WWOX: variants seen among roughly 807,000 people sequenced by gnomAD.
The protein encoded by WWOX is WW domain-containing oxidoreductase.
Under a neutral mutation model 46.2 loss-of-function variants are expected in WWOX, and 69 were observed. The ratio of observed to expected loss-of-function variants is 1.49; its 90% CI spans 1.23 to 1.82. The LOEUF (loss-of-function observed/expected upper bound fraction) is 1.82. Ranked by LOEUF, WWOX falls within the 40% of genes most tolerant of loss-of-function variation. The probability of loss-of-function intolerance (pLI) is 0.00; values close to 1 mark genes in which losing one functional copy is unlikely to be tolerated. For synonymous variants in WWOX, 359 were observed against 202.6 expected (o/e 1.77, Z -6.56); for missense variants, 919 against 542.6 (o/e 1.69, Z -6.89).
intron 8 of WWOX, among the ~76,000 whole-genome samples, chr16:78,477,719 T>C (rs1037638852): frequency 1.3e-5 from 2 of 152,214 alleles, no homozygotes; most frequent in South Asian, 2.1e-4. Flanking sequence ...ATATACTTGA[T>C]GTAAAACCAT....
intron 8 of WWOX, among the ~76,000 whole-genome samples, chr16:78,766,719 C>A (rs962653823): frequency 6.6e-6 from 1 of 152,220 alleles, no homozygotes; most frequent in Admixed American, 6.5e-5. Context: ...AGGCTCAGAG[C>A]AAGGGCAGAT....
At chr16:78,923,002 A>G (rs1241029498) in intron 8 of WWOX, among the ~76,000 whole-genome samples, 1 of 11,892 alleles carries the variant, frequency 8.4e-5, no homozygotes, top group Non-Finnish European at 2.9e-4. Context: ...TTTTTTTGAG[A>G]CAGAGTTTTG....
chr16:78,386,861 A>G lies in WWOX; in HGVS notation c.518A>G (p.His173Arg), dbSNP rs770595933. Residue 173 changes from histidine (H) to arginine (R), a missense_variant and splice_region_variant, in exon 6 of 9, where the codon CAT becomes CGT. His to Arg is a conservative substitution (Grantham distance 29). Coordinates refer to ENST00000566780, the MANE Select transcript of WWOX (RefSeq NM_016373.4). ...TCTTTTTATTTTCTCTCATTGCAGC[A>G]TAAAGCCAAGGTAGAAGCAATGACC... ...EAVSRILEEW[H>R]KAKVEAMTLD... The G allele has an allele frequency of 9.3e-6, 15 of 1,613,880 alleles. No homozygotes were observed. Among genetic ancestry groups the G allele is most frequent in the Admixed American group, 1.7e-5 (1 of 60,010 alleles).
rs151314306 is a variant in WWOX, at chr16:78,679,376, C to G, written c.1056+246624C>G. On this transcript the variant is annotated intron_variant, in intron 8 of 8. Coordinates refer to ENST00000566780, the MANE Select transcript of WWOX (RefSeq NM_016373.4). The stretch of plus-strand genomic sequence containing the variant: ...GACCAGCTTGGCCATCACAGTAAAA[C>G]CCTGTCTCTGCTAAAAATACAAAAA... Among the ~76,000 whole-genome samples the G allele has an allele frequency of 5.8e-4, 88 of 152,162 alleles. 2 individuals carry two copies. The East Asian group carries it at 8.0e-3, about 14-fold the overall frequency.
intron 8 of WWOX, among the ~76,000 whole-genome samples, chr16:79,178,822 GAAT>G (rs1325511088): frequency 6.6e-6 from 1 of 151,978 alleles, no homozygotes; most frequent in African/African-American, 2.4e-5. Flanking sequence ...GCTTTCTTTT[GAAT>G]AATAGAAACA....
At chr16:78,609,267 A>AT (rs2151628010) in intron 8 of WWOX, among the ~76,000 whole-genome samples, 1 of 152,070 alleles carries the variant, frequency 6.6e-6, no homozygotes, top group East Asian at 1.9e-4. Context: ...CTGCCAAGTT[A>AT]TTTTTTTGTT....
At chr16:78,187,336 C>A (rs904060444) in intron 5 of WWOX, among the ~76,000 whole-genome samples, 1 of 152,138 alleles carries the variant, frequency 6.6e-6, no homozygotes, top group Non-Finnish European at 1.5e-5. Flanking sequence ...TGAGGCCAAG[C>A]ACGGTGGCTC....
intron 4 of WWOX, chr16:78,123,412 C>G (rs1197534118): frequency 1.6e-5 from 2 of 125,778 alleles, no homozygotes; most frequent in Middle Eastern, 4.3e-3. Context: ...CTTGGTGACC[C>G]TATGTTTTTT....
In WWOX at chr16:78,144,429, C is replaced by CTATATATATATATACACACACACATATA. The variant is rs2034094474; in HGVS notation, c.410-19740_410-19739insCACACACACATATATATATATATATATA. On this transcript the variant is annotated intron_variant, in intron 4 of 8. Coordinates refer to ENST00000566780, the MANE Select transcript of WWOX (RefSeq NM_016373.4). ...GGTGCAAACGTGGTTTTTGCCATTA[C>CTATATATATATATACACACACACATATA]TATATATATATATATATACACATAT... Among the ~76,000 whole-genome samples the CTATATATATATATACACACACACATATA allele has an allele frequency of 3.9e-4, 6 of 15,400 alleles. 1 individual carries two copies. The Admixed American group carries it at 4.7e-3, about 12-fold the overall frequency. 10.1% of individuals were successfully genotyped at this position (15,400 alleles called of 152,430 possible). A position where few individuals can be genotyped will look rare whatever the true frequency, so the allele number is the denominator to read the frequency against.
intron 8 of WWOX, among the ~76,000 whole-genome samples, chr16:78,986,215 A>G (rs186453873): frequency 2.0e-5 from 3 of 152,262 alleles, no homozygotes; most frequent in Admixed American, 1.3e-4. Context: ...CGCGCTTGCA[A>G]TTTTCCACTG....
chr16:78,164,674 C>G (rs1457630357), intron 5 of WWOX, among the ~76,000 whole-genome samples: 4 of 152,158 alleles, frequency 2.6e-5, no homozygotes, highest in South Asian at 2.1e-4. Flanking sequence ...TTTTCTCTGT[C>G]TATGTAGAAG....
At chr16:78,634,765 C>T (rs956794630) in intron 8 of WWOX, among the ~76,000 whole-genome samples, 8 of 145,434 alleles carry the variant, frequency 5.5e-5, no homozygotes, top group Middle Eastern at 3.6e-3. Context: ...ATCATCTGGA[C>T]GGAATGAAGC....
At chr16:78,353,360 C>A (rs758932159) in intron 5 of WWOX, among the ~76,000 whole-genome samples, 2 of 152,150 alleles carry the variant, frequency 1.3e-5, no homozygotes, top group Non-Finnish European at 2.9e-5. Flanking sequence ...TGAACAGATG[C>A]CACAGCTGGG....
chr16:78,816,437 C>T (rs925418268), intron 8 of WWOX, among the ~76,000 whole-genome samples: 2 of 139,394 alleles, frequency 1.4e-5, no homozygotes, highest in African/African-American at 5.3e-5. Context: ...AAATGGAGGG[C>T]TTTTAAAAGA....
intron 8 of WWOX, among the ~76,000 whole-genome samples, chr16:78,955,436 G>A (rs1165362370): frequency 2.0e-5 from 3 of 152,042 alleles, no homozygotes; most frequent in Non-Finnish European, 4.4e-5. Context: ...AGAGAGCTTG[G>A]GCCAAAAGAG....
chr16:78,425,097 A>C (rs749917475), intron 7 of WWOX, 42 bp downstream of exon 7: 61 of 1,604,780 alleles, frequency 3.8e-5, no homozygotes, highest in Non-Finnish European at 4.3e-5. Context: ...CCCCTTTCTC[A>C]TACCAGCTAA....
At chr16:78,863,466 T>A (rs999893508) in intron 8 of WWOX, among the ~76,000 whole-genome samples, 1 of 152,208 alleles carries the variant, frequency 6.6e-6, no homozygotes, top group African/African-American at 2.4e-5. Flanking sequence ...AGGGTACTTG[T>A]CTTTCATCAG....
intron 8 of WWOX, among the ~76,000 whole-genome samples, chr16:78,827,676 T>TA (rs11150103): frequency 0.28 from 37,897 of 136,282 alleles, 5,702 homozygotes; most frequent in Middle Eastern, 0.43. Context: ...CTACTAAAAA[T>TA]AAAAAAAAAA....
chr16:78,282,936 C>G (rs2079705164), intron 5 of WWOX, among the ~76,000 whole-genome samples: 2 of 149,946 alleles, frequency 1.3e-5, no homozygotes, highest in African/African-American at 4.9e-5. Flanking sequence ...TGTGGCTTAG[C>G]TGAAGATCAG....
Sources: allele counts gnomAD v4.1 joint callset (sites outside exome capture counted in the v4.1 genomes callset), GRCh38; gene constraint gnomAD v4.1.1; transcripts MANE v1.5; gene names NCBI Gene and HGNC (gene_info 2026-07-23, HGNC 2026-07-21).